The following IL1RAPL2 variants were observed in gnomAD, a reference collection of about 807,000 sequenced individuals.
The protein encoded by IL1RAPL2 is interleukin 1 receptor accessory protein like 2.
In IL1RAPL2, 3 loss-of-function variants were observed where a neutral mutation model predicts 44.1. The observed-to-expected ratio is 0.07, with a 90% confidence interval of 0.03 to 0.18. The LOEUF (loss-of-function observed/expected upper bound fraction) is 0.18, where lower values mean the gene tolerates loss of function less well. Among genes scored for constraint, IL1RAPL2 ranks in the 10% least tolerant of loss-of-function variants. The probability of loss-of-function intolerance (pLI) is 1.00; values close to 1 mark genes in which losing one functional copy is unlikely to be tolerated. For synonymous variants in IL1RAPL2, 181 were observed against 178.8 expected, an observed-to-expected ratio of 1.01 and a Z score of -0.10; for missense variants, 391 against 496.4, an observed-to-expected ratio of 0.79 and a Z score of 2.02.
At chrX:105,638,523 C>T (rs774837976) in intron 6 of IL1RAPL2, among the ~76,000 whole-genome samples, 1 of 111,144 alleles carries the variant, frequency 9.0e-6, no homozygotes, top group South Asian at 3.8e-4. Context: ...TTTTCTTGTA[C>T]CAGGGACGGA....
chrX:105,115,887 A>G (rs2032853335), intron 2 of IL1RAPL2, among the ~76,000 whole-genome samples: 1 of 113,030 alleles, frequency 8.8e-6, no homozygotes, highest in African/African-American at 3.2e-5. Flanking sequence ...GCAGGTCCCA[A>G]GCCCTGCCCC....
intron 5 of IL1RAPL2, among the ~76,000 whole-genome samples, chrX:105,324,065 T>C (rs1198708252): frequency 1.8e-5 from 2 of 111,730 alleles, no homozygotes; most frequent in Non-Finnish European, 3.8e-5. Context: ...AACCCAAAGA[T>C]TGTAACGTGA....
intron 2 of IL1RAPL2, among the ~76,000 whole-genome samples, chrX:104,711,311 A>G (rs959330627): frequency 1.8e-5 from 2 of 111,067 alleles, no homozygotes; most frequent in Non-Finnish European, 3.8e-5. Context: ...AAAGCTATTG[A>G]TCTTGTGTTT....
chrX:104,719,972 T>C (rs1931645146), intron 2 of IL1RAPL2, among the ~76,000 whole-genome samples: 1 of 111,386 alleles, frequency 9.0e-6, no homozygotes, highest in African/African-American at 3.3e-5. Flanking sequence ...TCATACTGGA[T>C]ATAATTAAGG....
At chrX:105,487,091 C>CAAAAA (rs397896906) in intron 6 of IL1RAPL2, among the ~76,000 whole-genome samples, 1 of 38,333 alleles carries the variant, frequency 2.6e-5, no homozygotes, top group Non-Finnish European at 5.3e-5. Flanking sequence ...GACTCCATCT[C>CAAAAA]AAAAAAAAAA....
intron 5 of IL1RAPL2, among the ~76,000 whole-genome samples, chrX:105,469,812 G>A (rs945812912): frequency 2.7e-5 from 3 of 111,041 alleles, no homozygotes; most frequent in African/African-American, 9.8e-5. Context: ...ATAAAATGGA[G>A]ATAATAATAG....
At chrX:105,269,899 G>A (rs1168962196) in intron 5 of IL1RAPL2, among the ~76,000 whole-genome samples, 1 of 112,115 alleles carries the variant, frequency 8.9e-6, no homozygotes. Flanking sequence ...TGTTGACAAC[G>A]CATTTGCTTC....
chrX:105,443,744 T>C (rs1351992914), intron 5 of IL1RAPL2, among the ~76,000 whole-genome samples: 3 of 112,436 alleles, frequency 2.7e-5, no homozygotes, highest in African/African-American at 9.7e-5. Context: ...ATTCATCTGC[T>C]GATGGACACT....
chrX:104,647,786 C>A, intron 1 of IL1RAPL2: 1 of 535,310 alleles, frequency 1.9e-6, no homozygotes, highest in East Asian at 3.4e-5. Flanking sequence ...ATTAAGTGGT[C>A]GAGAATGGCA....
rs763581584 is a variant in IL1RAPL2 at position 105,140,456 on chromosome X, C to T, written c.83-55019C>T. 7.2e-5 allele frequency among the ~76,000 whole-genome samples: 8 copies of T among 111,369 alleles called. No individual in the cohort carries two copies. The East Asian group carries it at 2.0e-3, about 28-fold the overall frequency. On this transcript the variant is annotated intron_variant, in intron 2 of 10. Transcript: ENST00000372582. ...ATAAAAGGATATAATGAACCTGGAACGTGAATGGCATTCTGGCACAAAGCA... is the reference window on the plus strand; with the variant it reads ...ATAAAAGGATATAATGAACCTGGAATGTGAATGGCATTCTGGCACAAAGCA...
At chrX:105,157,107 CAAAAA>C (rs1294362653) in intron 2 of IL1RAPL2, among the ~76,000 whole-genome samples, 4 of 34,971 alleles carry the variant, frequency 1.1e-4, no homozygotes, top group Admixed American at 3.6e-4. Context: ...TTCGAGTTAG[CAAAAA>C]AAAAAAAAAA....
chrX:104,580,783 T>C (rs781651393), intron 1 of IL1RAPL2, among the ~76,000 whole-genome samples: 5 of 112,029 alleles, frequency 4.5e-5, no homozygotes, highest in South Asian at 3.7e-4. Flanking sequence ...GTTTCAATAA[T>C]ATTTTCTATC....
At chrX:105,550,427 A>G (rs186072868) in intron 6 of IL1RAPL2, among the ~76,000 whole-genome samples, 35 of 112,138 alleles carry the variant, frequency 3.1e-4, no homozygotes, top group South Asian at 7.4e-4. Context: ...TCCACTGTCT[A>G]TCTCCCAAGA....
chrX:104,976,483 T>C (rs2147723923), intron 2 of IL1RAPL2, among the ~76,000 whole-genome samples: 1 of 111,699 alleles, frequency 9.0e-6, no homozygotes. Context: ...ATAAATAAAG[T>C]AACAATAGGA....
At chrX:105,579,542 A>G (rs2037073618) in intron 6 of IL1RAPL2, among the ~76,000 whole-genome samples, 1 of 111,486 alleles carries the variant, frequency 9.0e-6, no homozygotes, top group African/African-American at 3.3e-5. Context: ...CAATTCTACT[A>G]CTGCTTTTAC....
chrX:105,024,897 T>C (rs1239688362), intron 2 of IL1RAPL2, among the ~76,000 whole-genome samples: 2 of 109,861 alleles, frequency 1.8e-5, no homozygotes, highest in Non-Finnish European at 3.8e-5. Flanking sequence ...ACAGTGTTTT[T>C]CACAATTTTC....
At chrX:105,328,705 C>T (rs2034961339) in intron 5 of IL1RAPL2, among the ~76,000 whole-genome samples, 1 of 111,883 alleles carries the variant, frequency 8.9e-6, no homozygotes, top group Non-Finnish European at 1.9e-5. Context: ...GGATGGACTA[C>T]GTGTATGATG....
chrX:105,384,068 C>T (rs1002290735), intron 5 of IL1RAPL2, among the ~76,000 whole-genome samples: 1 of 111,387 alleles, frequency 9.0e-6, no homozygotes, highest in Non-Finnish European at 1.9e-5. Flanking sequence ...TGTCTCTTTA[C>T]ATTGTCAATT....
intron 5 of IL1RAPL2, among the ~76,000 whole-genome samples, chrX:105,371,911 C>T (rs1439171817): frequency 5.4e-5 from 6 of 111,254 alleles, no homozygotes; most frequent in South Asian, 3.8e-4. Flanking sequence ...GATGATATCC[C>T]GTTCAGGGAA....
Sources: gnomAD v4.1 joint callset for allele counts (sites outside exome capture counted in the v4.1 genomes callset) on GRCh38, gnomAD v4.1.1 for gene constraint, MANE v1.5 for transcripts, NCBI Gene and HGNC (gene_info 2026-07-23, HGNC 2026-07-21) for gene names.